The following PCDHGC5 variants were observed in gnomAD, a reference collection of about 807,000 sequenced individuals.
PCDHGC5 encodes the protein protocadherin gamma-C5.
A neutral mutation model predicts 59.0 loss-of-function variants in PCDHGC5; 25 were observed. The observed-to-expected ratio is 0.42, with a 90% CI of 0.31 to 0.59. The LOEUF (loss-of-function observed/expected upper bound fraction) is 0.59, where lower values mean the gene tolerates loss of function less well. Ranked by LOEUF, PCDHGC5 falls within the 20% of genes least tolerant of loss-of-function variation. PCDHGC5 has a pLI of 0.13. For synonymous variants in PCDHGC5, 434 were observed against 505.5 expected, an observed-to-expected ratio of 0.86 and a Z score of 1.90; for missense variants, 1,067 against 1,206.4, an observed-to-expected ratio of 0.88 and a Z score of 1.71.
chr5:141,509,132 G>A (rs1261849657), intron 3 of PCDHGC5, among the ~76,000 whole-genome samples: 1 of 152,150 alleles, frequency 6.6e-6, no homozygotes, highest in Admixed American at 6.5e-5. Flanking sequence ...GAGAAAAACC[G>A]AGGCGCATCC....
chr5:141,500,883 T>G (rs1250275850), intron 2 of PCDHGC5, among the ~76,000 whole-genome samples: 2 of 97,532 alleles, frequency 2.1e-5, no homozygotes, highest in African/African-American at 1.2e-4. Context: ...TACAATTTTT[T>G]TTTTTTGAGA....
chr5:141,490,990 C>A lies in PCDHGC5; in HGVS notation c.1750C>A (p.Pro584Thr), dbSNP rs1230384508. The change falls in exon 1 of 4, where the codon CCT (proline) becomes ACT (threonine). Residue 584 changes from proline (P) to threonine (T), a missense_variant. Transcript: ENST00000252087. The surrounding 1 kb of genome is among the most constrained non-coding windows in gnomAD (Gnocchi z 5.4). ...CCCCCAGCGTCTCCCTCGCTCTGCTCCTCCTGGCTCCTTGGTCACCAAGGT... is the reference window on the plus strand; with the variant it reads ...CCCCCAGCGTCTCCCTCGCTCTGCTACTCCTGGCTCCTTGGTCACCAAGGT... ...SAPQRLPRSA[P>T]PGSLVTKVTA... The A allele has an allele frequency of 6.2e-7, 1 of 1,614,102 alleles. No homozygotes were observed. The highest frequency in any genetic ancestry group is 8.5e-7 in the Non-Finnish European group (1 of 1,180,022).
chr5:141,490,142 C>T lies in PCDHGC5; in HGVS notation c.902C>T (p.Ala301Val). Residue 301 changes from alanine (A) to valine (V), a missense_variant, in exon 1 of 4, where the codon GCA (alanine) becomes GTA (valine). Transcript: ENST00000252087. This position sits in a 1 kb window ranked among gnomAD's most constrained non-coding sequence, Gnocchi z 5.4. ...TTTGGCCTAGACCCTAGCAGTGGGG[C>T]AATCCATGTGTTGGGTCCCATAGAC... ...NLFGLDPSSG[A>V]IHVLGPIDFE... 2 of 1,614,220 alleles carry T rather than the reference C, an allele frequency of 1.2e-6. No individual in the cohort carries two copies. Among genetic ancestry groups the T allele is most frequent in the South Asian group, 1.1e-5 (1 of 91,088 alleles).
chr5:141,501,701 G>A (rs747266621), intron 2 of PCDHGC5, among the ~76,000 whole-genome samples: 3 of 151,984 alleles, frequency 2.0e-5, no homozygotes, highest in East Asian at 1.9e-4. Flanking sequence ...GGGTGATTCC[G>A]AGGATAAAAA....
In PCDHGC5 at chr5:141,490,134, C is replaced by G; in HGVS notation, c.894C>G (p.Ser298Arg). The change falls in exon 1 of 4, where the codon AGC becomes AGG. Residue 298 changes from serine to arginine, a missense_variant. Transcript: ENST00000252087. This position sits in a 1 kb window ranked among gnomAD's most constrained non-coding sequence, Gnocchi z 5.4. ...AVRNLFGLDP[S>R]SGAIHVLGPI... is the part of the protein sequence containing the mutation. ...GGAACCTCTTTGGCCTAGACCCTAG[C>G]AGTGGGGCAATCCATGTGTTGGGTC... The G allele has an allele frequency of 1.2e-6, 2 of 1,614,232 alleles. No homozygotes were observed. The highest frequency in any genetic ancestry group is 1.7e-6 in the Non-Finnish European group (2 of 1,180,030).
chr5:141,497,197 A>G (rs1243476120), intron 2 of PCDHGC5, among the ~76,000 whole-genome samples: 2 of 106,804 alleles, frequency 1.9e-5, no homozygotes, highest in African/African-American at 5.7e-5. Flanking sequence ...GCAGAGAACA[A>G]TGTGAGTGTA....
chr5:141,491,390 T>G lies in PCDHGC5; in HGVS notation c.2150T>G (p.Leu717Arg). 1 of 1,614,130 alleles carries G rather than the reference T, an allele frequency of 6.2e-7. No individual in the cohort carries two copies. Among genetic ancestry groups the G allele is most frequent in the Admixed American group, 1.7e-5 (1 of 60,028 alleles). ...VTFTFLSAKCLQGNADGDGGG... is the reference protein window; with the variant it reads ...VTFTFLSAKCRQGNADGDGGG... ...TTCACCTTTCTGTCAGCGAAGTGCC[T>G]TCAGGGAAACGCAGACGGGGACGGG... The change falls in exon 1 of 4, where the codon CTT (leucine) becomes CGT (arginine). Residue 717 changes from leucine (L) to arginine (R), a missense_variant. By Grantham distance (102) the Leu-to-Arg change is moderately radical. Transcript: ENST00000252087. The surrounding 1 kb of genome is among the most constrained non-coding windows in gnomAD (Gnocchi z 6.9).
intron 2 of PCDHGC5, among the ~76,000 whole-genome samples, chr5:141,501,223 T>G (rs1247662371): frequency 6.6e-6 from 1 of 151,280 alleles, no homozygotes; most frequent in African/African-American, 2.4e-5. Flanking sequence ...CTTCCTAGAT[T>G]TCTCAGTTTT....
In PCDHGC5 at chr5:141,491,244, T is replaced by G. The variant is rs754328211; in HGVS notation, c.2004T>G (p.Asp668Glu). The G allele has an allele frequency of 6.2e-6, 10 of 1,614,092 alleles. No homozygotes were observed. The South Asian group carries it at 1.1e-4, about 18-fold the overall frequency. ...STATVLLVLE[D>E]EDPEEMPKSS... is the part of the protein sequence containing the mutation. ...CCACAGTGCTGCTGGTTCTGGAGGA[T>G]GAGGACCCTGAGGAAATGCCCAAAT... The change falls in exon 1 of 4, where the codon GAT becomes GAG. Residue 668 changes from aspartate to glutamate, a missense_variant. Transcript: ENST00000252087. This position sits in a 1 kb window ranked among gnomAD's most constrained non-coding sequence, Gnocchi z 6.9.
At chr5:141,509,310 G>A (rs1223508453) in intron 3 of PCDHGC5, among the ~76,000 whole-genome samples, 2 of 152,174 alleles carry the variant, frequency 1.3e-5, no homozygotes, top group Non-Finnish European at 1.5e-5. Flanking sequence ...GAGGGAGGCT[G>A]GGAGAGAAGC....
At position 141,507,794 on chromosome 5, in the gene PCDHGC5, C is replaced by CT. The variant is rs576191739; in HGVS notation, c.2608+2314dup. On this transcript the variant is annotated intron_variant, in intron 3 of 3. Coordinates refer to ENST00000252087, the MANE Select transcript of PCDHGC5 (RefSeq NM_018929.3). ...CACAGGGCCTGACCCTCGTCTAAGC[C>CT]TGCGCCCTGGGGAACGGACCCTGGG... 7.9e-4 allele frequency among the ~76,000 whole-genome samples: 120 copies of CT among 152,356 alleles called. 2 individuals carry two copies. The highest frequency in any genetic ancestry group is 2.8e-3 in the African/African-American group (115 of 41,592).
chr5:141,489,944 T>A lies in PCDHGC5; in HGVS notation c.704T>A (p.Ile235Asn). The change falls in exon 1 of 4, where the codon ATC (isoleucine) becomes AAC (asparagine). Residue 235 changes from isoleucine (I) to asparagine (N), a missense_variant. Coordinates refer to ENST00000252087, the MANE Select transcript of PCDHGC5 (RefSeq NM_018929.3). The surrounding 1 kb of genome is among the most constrained non-coding windows in gnomAD (Gnocchi z 4.5). ...TTLISVIVLD[I>N]NDNAPTFQSS... ...CTTATCTCTGTCATCGTGCTGGACA[T>A]CAATGATAATGCTCCAACCTTCCAA... 1 of 1,614,172 alleles carries A rather than the reference T, an allele frequency of 6.2e-7. No individual in the cohort carries two copies. The highest frequency in any genetic ancestry group is 8.5e-7 in the Non-Finnish European group (1 of 1,180,010).
chr5:141,497,739 A>G (rs1180122239), intron 2 of PCDHGC5, among the ~76,000 whole-genome samples: 1 of 152,118 alleles, frequency 6.6e-6, no homozygotes, highest in Admixed American at 6.6e-5. Flanking sequence ...GGGTTTCGCC[A>G]CGTTGGCCAG....
At chr5:141,494,976 G>A in intron 2 of PCDHGC5, 111 bp downstream of exon 2, 1 of 1,575,636 alleles carries the variant, frequency 6.3e-7, no homozygotes. Flanking sequence ...TTCTCCCTCA[G>A]TTTGAGATCC....
chr5:141,490,808 A>C lies in PCDHGC5; in HGVS notation c.1568A>C (p.Asp523Ala). The change falls in exon 1 of 4, where the codon GAC (aspartate) becomes GCC (alanine). Residue 523 changes from aspartate to alanine, a missense_variant. Coordinates refer to ENST00000252087, the MANE Select transcript of PCDHGC5 (RefSeq NM_018929.3). The surrounding 1 kb of genome is among the most constrained non-coding windows in gnomAD (Gnocchi z 5.4). The stretch of plus-strand genomic sequence containing the variant: ...CGGATCTTTGCCCAGCGTACCTTTG[A>C]CTATGAATTGCTGCAGATGCTGCAG... ...DGRIFAQRTFDYELLQMLQIV... is the reference protein window; with the variant it reads ...DGRIFAQRTFAYELLQMLQIV... 1 of 1,613,884 alleles carries C rather than the reference A, an allele frequency of 6.2e-7. No homozygotes were observed. The highest frequency in any genetic ancestry group is 8.5e-7 in the Non-Finnish European group (1 of 1,179,874).
rs183968443 is a variant in PCDHGC5 at position 141,495,033 on chromosome 5, G to A, written c.2519+168G>A. On this transcript the variant is annotated intron_variant, in intron 2 of 3. Coordinates refer to ENST00000252087, the MANE Select transcript of PCDHGC5 (RefSeq NM_018929.3). ...GGGGCTGGCACACAGACCCCGGAAG[G>A]AAGAGGCGACTGCCCTGACTGTTCA... is the stretch of plus-strand genomic sequence containing the variant. 1.4e-3 allele frequency: 1,380 copies of A among 968,234 alleles called. 4 individuals are homozygous for A. Among genetic ancestry groups the A allele is most frequent in the Middle Eastern group, 5.3e-3 (10 of 1,888 alleles). 60.0% of individuals were successfully genotyped at this position (968,234 alleles called of 1,614,324 possible).
intron 2 of PCDHGC5, among the ~76,000 whole-genome samples, chr5:141,502,002 C>T (rs1434269040): frequency 1.3e-5 from 2 of 152,164 alleles, no homozygotes; most frequent in South Asian, 2.1e-4. Context: ...CCTGACAACC[C>T]GCATGCTCTC....
chr5:141,494,323 A>T (rs1188768690), intron 1 of PCDHGC5, among the ~76,000 whole-genome samples: 1 of 152,210 alleles, frequency 6.6e-6, no homozygotes, highest in Non-Finnish European at 1.5e-5. Flanking sequence ...CCTGGCACCA[A>T]AAGGGTTACC....
chr5:141,494,586 G>A (rs770159202), intron 1 of PCDHGC5, among the ~76,000 whole-genome samples: 1 of 152,112 alleles, frequency 6.6e-6, no homozygotes, highest in Non-Finnish European at 1.5e-5. Context: ...GCTCACTGTG[G>A]TCAGATGAAA....
Sources: allele counts gnomAD v4.1 joint callset (sites outside exome capture counted in the v4.1 genomes callset), GRCh38; gene constraint gnomAD v4.1.1; non-coding constraint Gnocchi (gnomAD v3.1); transcripts MANE v1.5; gene names NCBI Gene and HGNC (gene_info 2026-07-23, HGNC 2026-07-21).